The following GALNT13 variants were observed in gnomAD, a reference collection of about 807,000 sequenced individuals.
GALNT13 encodes the protein polypeptide N-acetylgalactosaminyltransferase 13.
A neutral mutation model predicts 64.2 loss-of-function variants in GALNT13; 28 were observed. The observed-to-expected ratio is 0.44, with a 90% CI of 0.32 to 0.60. The LOEUF (loss-of-function observed/expected upper bound fraction) is 0.60, where lower values mean the gene tolerates loss of function less well. Ranked by LOEUF, GALNT13 falls within the 20% of genes least tolerant of loss-of-function variation. The pLI is 0.05. For missense variants in GALNT13, 577 were observed against 669.8 expected (o/e 0.86, Z 1.53); for synonymous variants, 214 against 224.6 (o/e 0.95, Z 0.42).
chr2:153,680,259 G>C, the GALNT13 span, among the ~76,000 whole-genome samples: 4 of 151,748 alleles, frequency 2.6e-5, no homozygotes, highest in African/African-American at 9.7e-5. Flanking sequence ...ACGAAGAATG[G>C]AGTTATGTAA....
At chr2:153,642,463 CAAAAT>C in the GALNT13 span, among the ~76,000 whole-genome samples, 1 of 151,630 alleles carries the variant, frequency 6.6e-6, no homozygotes, top group African/African-American at 2.4e-5. Flanking sequence ...TTTAATCAGA[CAAAAT>C]AAATGTCAAC....
At chr2:154,411,673 C>T (rs568331651) in intron 11 of GALNT13, among the ~76,000 whole-genome samples, 21 of 151,672 alleles carry the variant, frequency 1.4e-4, no homozygotes, top group African/African-American at 5.1e-4. Context: ...TTGTATCTGG[C>T]GAGTGGATAT....
At chr2:153,780,236 T>TATATATGC in the GALNT13 span, among the ~76,000 whole-genome samples, 28 of 11,208 alleles carry the variant, frequency 2.5e-3, no homozygotes, top group African/African-American at 4.8e-3. Context: ...TATATATATA[T>TATATATGC]ATATATATAT....
chr2:153,107,545 G>A, the GALNT13 span, among the ~76,000 whole-genome samples: 659 of 152,098 alleles, frequency 4.3e-3, 6 homozygotes, highest in African/African-American at 0.015. Context: ...CAGAAAAGAA[G>A]GCAAACTAAA....
chr2:154,006,436 G>C (rs1214686859), intron 3 of GALNT13, among the ~76,000 whole-genome samples: 1 of 152,062 alleles, frequency 6.6e-6, no homozygotes, highest in East Asian at 1.9e-4. Context: ...AAGAAAACTT[G>C]CTTTCAATTT....
chr2:153,336,406 G>A, the GALNT13 span, among the ~76,000 whole-genome samples: 1 of 152,174 alleles, frequency 6.6e-6, no homozygotes, highest in Non-Finnish European at 1.5e-5. Flanking sequence ...CAAGACCATG[G>A]AAACCCACCT....
chr2:153,479,989 T>C, the GALNT13 span, among the ~76,000 whole-genome samples: 3 of 152,128 alleles, frequency 2.0e-5, no homozygotes, highest in East Asian at 5.8e-4. Context: ...ACCAGTAACT[T>C]GAGCTTCCAA....
the GALNT13 span, among the ~76,000 whole-genome samples, chr2:153,655,182 T>C: frequency 6.6e-6 from 1 of 152,104 alleles, no homozygotes; most frequent in Non-Finnish European, 1.5e-5. Flanking sequence ...AAAGCACAGG[T>C]TTAGATTGTA....
chr2:153,630,927 A>G, the GALNT13 span, among the ~76,000 whole-genome samples: 1 of 150,034 alleles, frequency 6.7e-6, no homozygotes, highest in African/African-American at 2.5e-5. Context: ...CATCATTTAC[A>G]TTAGGTATAT....
the GALNT13 span, among the ~76,000 whole-genome samples, chr2:153,383,530 A>T: frequency 6.6e-6 from 1 of 152,120 alleles, no homozygotes; most frequent in Non-Finnish European, 1.5e-5. Context: ...CAACCTAAAC[A>T]GCATCTTGGT....
intron 8 of GALNT13, among the ~76,000 whole-genome samples, chr2:154,267,047 T>C (rs1691045902): frequency 6.6e-6 from 1 of 152,034 alleles, no homozygotes; most frequent in Admixed American, 6.6e-5. Context: ...ACTTAACACA[T>C]ACGTGGACAA....
At chr2:153,163,984 C>G in the GALNT13 span, among the ~76,000 whole-genome samples, 8 of 149,226 alleles carry the variant, frequency 5.4e-5, no homozygotes, top group South Asian at 2.1e-4. Context: ...CGCCACTGCA[C>G]TCCAGCCTGG....
At chr2:153,977,917 C>T (rs540336950) in intron 3 of GALNT13, among the ~76,000 whole-genome samples, 5 of 152,074 alleles carry the variant, frequency 3.3e-5, no homozygotes, top group Middle Eastern at 3.4e-3. Context: ...TAGAGAAATA[C>T]GATCTTTCAA....
chr2:153,949,167 G>A (rs1325319570), intron 3 of GALNT13, among the ~76,000 whole-genome samples: 1 of 152,038 alleles, frequency 6.6e-6, no homozygotes, highest in Non-Finnish European at 1.5e-5. Context: ...GTGTGCAGTA[G>A]GCTATACTAT....
chr2:153,772,146 A>T, the GALNT13 span, among the ~76,000 whole-genome samples: 1 of 152,198 alleles, frequency 6.6e-6, no homozygotes, highest in South Asian at 2.1e-4. Context: ...TGTGAGCATT[A>T]GTCCTCCAAT....
intron 2 of GALNT13, among the ~76,000 whole-genome samples, chr2:153,916,722 A>C (rs1165700189): frequency 6.6e-6 from 1 of 152,208 alleles, no homozygotes; most frequent in Non-Finnish European, 1.5e-5. Flanking sequence ...TACCTATCTT[A>C]TATTAGCATA....
chr2:153,366,190 A>G, the GALNT13 span, among the ~76,000 whole-genome samples: 1 of 152,148 alleles, frequency 6.6e-6, no homozygotes, highest in Non-Finnish European at 1.5e-5. Context: ...GGAGTTGTAC[A>G]ATGAGAACAC....
intron 3 of GALNT13, among the ~76,000 whole-genome samples, chr2:154,120,032 T>G (rs1355457793): frequency 6.6e-6 from 1 of 152,234 alleles, no homozygotes; most frequent in Non-Finnish European, 1.5e-5. Context: ...GTCTGTACAT[T>G]TGTGGAGACT....
chr2:153,785,944 G>A, the GALNT13 span, among the ~76,000 whole-genome samples: 1 of 151,874 alleles, frequency 6.6e-6, no homozygotes, highest in Non-Finnish European at 1.5e-5. Context: ...TCCCCATGGA[G>A]GCCTGACTTC....
Sources: allele counts gnomAD v4.1 joint callset (sites outside exome capture counted in the v4.1 genomes callset), GRCh38; gene constraint gnomAD v4.1.1; transcripts MANE v1.5; gene names NCBI Gene and HGNC (gene_info 2026-07-23, HGNC 2026-07-21).